The following COG7 variants were observed in gnomAD, a reference collection of about 807,000 sequenced individuals.
COG7 encodes the protein conserved oligomeric Golgi complex subunit 7.
A neutral mutation model predicts 91.5 loss-of-function variants in COG7; 49 were observed. The observed-to-expected ratio is 0.54, with a 90% confidence interval of 0.43 to 0.68. COG7 has a LOEUF of 0.68. Among genes scored for constraint, COG7 ranks in the 30% least tolerant of loss-of-function variants. COG7 has a pLI of 0.00. For synonymous variants in COG7, 365 were observed against 388.7 expected (o/e 0.94, Z 0.72); for missense variants, 895 against 961.3 (o/e 0.93, Z 0.91).
At chr16:23,450,551 G>A (rs528760166) in intron 1 of COG7, among the ~76,000 whole-genome samples, 16 of 152,300 alleles carry the variant, frequency 1.1e-4, no homozygotes, top group African/African-American at 3.6e-4. Context: ...ATAAGGGCTG[G>A]GCGCGGTGGC....
intron 1 of COG7, chr16:23,446,758 A>T (rs1964189698): frequency 6.6e-6 from 1 of 150,712 alleles, no homozygotes; most frequent in Non-Finnish European, 1.5e-5. Context: ...GGCCTATTTT[A>T]AAATTATTTT....
chr16:23,433,479 G>A (rs925159725), intron 6 of COG7, 66 bp downstream of exon 6: 26 of 1,606,740 alleles, frequency 1.6e-5, no homozygotes, highest in South Asian at 7.7e-5. Context: ...GGCCACTCCC[G>A]AGGCAGTCAC....
At position 23,416,971 on chromosome 16, in the gene COG7, C is replaced by A. The variant is rs1004551640; in HGVS notation, c.1288G>T (p.Ala430Ser). The A allele has an allele frequency of 5.6e-6, 9 of 1,614,066 alleles. No individual in the cohort carries two copies. The Admixed American group carries it at 1.0e-4, about 18-fold the overall frequency. The change falls in exon 9 of 17, where the codon GCC (alanine) becomes TCC (serine). Residue 430 changes from alanine (A) to serine (S), a missense_variant. By Grantham distance (99) the Ala-to-Ser change is moderately conservative (BLOSUM62 1). Coordinates refer to ENST00000307149, the MANE Select transcript of COG7 (RefSeq NM_153603.4). Reference protein sequence around the residue: ...GLLSALKSLFAKYVSDFTSTL... With the variant: ...GLLSALKSLFSKYVSDFTSTL... ...TCCCCAGTTCCCCAGCCTTACTTGG[C>A]AAAGAGGGATTTCAGGGCTGACAAC...
At chr16:23,396,724 T>C (rs1963290317) in intron 14 of COG7, among the ~76,000 whole-genome samples, 2 of 151,930 alleles carry the variant, frequency 1.3e-5, no homozygotes, top group African/African-American at 2.4e-5. Flanking sequence ...CCATGGGTTG[T>C]AAAGACCAAC....
chr16:23,449,665 CGA>C (rs1964236494), intron 1 of COG7, among the ~76,000 whole-genome samples: 1 of 150,016 alleles, frequency 6.7e-6, no homozygotes, highest in Non-Finnish European at 1.5e-5. Context: ...TGCTTGAACC[CGA>C]GAGGCGGAGG....
chr16:23,392,370 G>A lies in COG7; in HGVS notation c.2146+10C>T. ...CTGTCCCTCCCACCGCCTGTCTTGT[G>A]GGGACCCACCGATGTCAGTGGCCAG... On this transcript the variant is annotated intron_variant, in intron 16 of 16. Coordinates refer to ENST00000307149, the MANE Select transcript of COG7 (RefSeq NM_153603.4). 1 of 1,613,968 alleles carries A rather than the reference G, an allele frequency of 6.2e-7. No individual in the cohort carries two copies. Among genetic ancestry groups the A allele is most frequent in the South Asian group, 1.1e-5 (1 of 91,078 alleles).
At position 23,438,316 on chromosome 16, in the gene COG7, TGA is replaced by T. The variant is rs1477629133; in HGVS notation, c.605-3600_605-3599del. On this transcript the variant is annotated intron_variant, in intron 4 of 16. Transcript: ENST00000307149. ...GCTCACGCCTGTAATCTCAGGACTT[TGA>T]GAGGCTGAGGAGGGAGGATTGTTTG... is the stretch of plus-strand genomic sequence containing the variant. Among the ~76,000 whole-genome samples the T allele has an allele frequency of 3.9e-5, 6 of 152,260 alleles. No individual in the cohort carries two copies. The East Asian group carries it at 9.7e-4, about 25-fold the overall frequency.
intron 13 of COG7, among the ~76,000 whole-genome samples, chr16:23,399,699 G>A (rs924570987): frequency 3.9e-5 from 6 of 152,022 alleles, no homozygotes; most frequent in Non-Finnish European, 7.4e-5. Context: ...GGATGTATGC[G>A]GTACACAGAG....
intron 4 of COG7, among the ~76,000 whole-genome samples, chr16:23,440,349 G>A (rs1964081340): frequency 6.6e-6 from 1 of 150,726 alleles, no homozygotes; most frequent in African/African-American, 2.4e-5. Context: ...CTCCACCCTG[G>A]GTGACAGAAT....
chr16:23,397,424 C>T (rs1963303404), intron 14 of COG7, among the ~76,000 whole-genome samples: 1 of 152,178 alleles, frequency 6.6e-6, no homozygotes, highest in African/African-American at 2.4e-5. Context: ...CTGAGCTAGA[C>T]TGCAGGAAGT....
rs79393722 is a variant in COG7 at position 23,413,950 on chromosome 16, G to A, written c.1293-386C>T. 1.9e-5 allele frequency: 4 copies of A among 211,518 alleles called. No individual in the cohort carries two copies. In the South Asian group the frequency reaches 3.4e-4, roughly 18 times the overall value. The allele number at this position is 211,518 out of a possible 1,614,324, so 13.1% of individuals were successfully genotyped here. On this transcript the variant is annotated intron_variant, in intron 9 of 16. Transcript: ENST00000307149. ...CACGGTCCCATGGTAATAACTGACT[G>A]TGACCTGGGATAACGTAAGGAAGGT...
In COG7 at chr16:23,445,174, G is replaced by A; in HGVS notation, c.319-10C>T. 1 of 1,594,364 alleles carries A rather than the reference G, an allele frequency of 6.3e-7. No homozygotes were observed. Among genetic ancestry groups the A allele is most frequent in the Non-Finnish European group, 8.6e-7 (1 of 1,161,994 alleles). ...CAATTTCTACCAACACCTGAAAGAG[G>A]CGTGAGGGGTGAAAAATGAAGGGGT... On this transcript the variant is annotated splice_polypyrimidine_tract_variant and intron_variant, in intron 2 of 16. Transcript: ENST00000307149.
chr16:23,421,578 TGCTA>T (rs1297645854), intron 7 of COG7, among the ~76,000 whole-genome samples: 6 of 151,914 alleles, frequency 3.9e-5, no homozygotes. Flanking sequence ...CTTTCAAACT[TGCTA>T]ATAACCAAAG....
chr16:23,431,070 AACAG>A (rs754940531), intron 6 of COG7, among the ~76,000 whole-genome samples: 2 of 152,160 alleles, frequency 1.3e-5, no homozygotes, highest in African/African-American at 2.4e-5. Flanking sequence ...TGGATTAATG[AACAG>A]ACAGAGACAG....
intron 4 of COG7, among the ~76,000 whole-genome samples, chr16:23,437,977 C>T (rs916568049): frequency 2.7e-5 from 4 of 150,598 alleles, no homozygotes; most frequent in African/African-American, 4.9e-5. Context: ...CCCAGCTACT[C>T]GGGAAGCTGA....
chr16:23,394,828 A>T (rs1963259188), intron 14 of COG7: 1 of 150,410 alleles, frequency 6.6e-6, no homozygotes, highest in Non-Finnish European at 1.5e-5. Flanking sequence ...TTTTTGAGAC[A>T]GAGTTTTGCT....
intron 14 of COG7, among the ~76,000 whole-genome samples, chr16:23,396,363 A>C (rs750643291): frequency 8.2e-4 from 125 of 152,142 alleles, no homozygotes; most frequent in Admixed American, 3.7e-3. Flanking sequence ...TTAGACTGCA[A>C]GCATACTATC....
chr16:23,441,311 G>A (rs963422602), intron 4 of COG7, among the ~76,000 whole-genome samples: 5 of 152,102 alleles, frequency 3.3e-5, no homozygotes, highest in Non-Finnish European at 7.4e-5. Flanking sequence ...ATGGTGGCTC[G>A]CGCCTCTAAT....
chr16:23,397,096 G>A (rs1963297359), intron 14 of COG7, among the ~76,000 whole-genome samples: 1 of 152,036 alleles, frequency 6.6e-6, no homozygotes, highest in African/African-American at 2.4e-5. Context: ...TTTTGTAGAG[G>A]CGGGGTCCCC....
Sources: gnomAD v4.1 joint callset for allele counts (sites outside exome capture counted in the v4.1 genomes callset) on GRCh38, gnomAD v4.1.1 for gene constraint, MANE v1.5 for transcripts, NCBI Gene and HGNC (gene_info 2026-07-23, HGNC 2026-07-21) for gene names.